GRIA4: variants seen among roughly 807,000 people sequenced by gnomAD.
GRIA4 encodes the protein glutamate receptor 4.
Under a neutral mutation model 104.0 loss-of-function variants are expected in GRIA4, and 34 were observed. The ratio of observed to expected loss-of-function variants is 0.33; its 90% CI spans 0.25 to 0.44. GRIA4 has a LOEUF of 0.44. Ranked by LOEUF, GRIA4 falls within the 20% of genes least tolerant of loss-of-function variation. The pLI, the probability that GRIA4 is intolerant of heterozygous loss-of-function variation, is 1.00. For missense variants in GRIA4, 750 were observed against 1,096.5 expected, an observed-to-expected ratio of 0.68 and a Z score of 4.46; for synonymous variants, 386 against 381.9, an observed-to-expected ratio of 1.01 and a Z score of -0.13.
At chr11:105,881,259 A>G (rs1490311367) in intron 5 of GRIA4, among the ~76,000 whole-genome samples, 1 of 152,180 alleles carries the variant, frequency 6.6e-6, no homozygotes, top group African/African-American at 2.4e-5. Context: ...GCTGCTGGGA[A>G]GGAGGACATT....
intron 3 of GRIA4, among the ~76,000 whole-genome samples, chr11:105,739,476 T>C (rs991386372): frequency 9.9e-5 from 15 of 152,174 alleles, no homozygotes; most frequent in African/African-American, 3.4e-4. Flanking sequence ...AAGTACTTAA[T>C]TGATATATAA....
intron 14 of GRIA4, among the ~76,000 whole-genome samples, chr11:105,954,923 T>C (rs1263303114): frequency 3.4e-5 from 5 of 148,982 alleles, no homozygotes; most frequent in Non-Finnish European, 7.4e-5. Context: ...TATATATATA[T>C]ATATATAATG....
intron 3 of GRIA4, among the ~76,000 whole-genome samples, chr11:105,718,773 A>G (rs924321496): frequency 3.3e-5 from 5 of 152,198 alleles, no homozygotes; most frequent in African/African-American, 4.8e-5. Context: ...GAATGCACGC[A>G]TGATTTTCCA....
At chr11:105,646,643 C>T (rs766912936) in intron 3 of GRIA4, among the ~76,000 whole-genome samples, 3 of 152,144 alleles carry the variant, frequency 2.0e-5, no homozygotes, top group Non-Finnish European at 4.4e-5. Context: ...GACTGCACAC[C>T]TACAATTATC....
intron 7 of GRIA4, among the ~76,000 whole-genome samples, chr11:105,901,386 T>C (rs1431256813): frequency 6.6e-6 from 1 of 152,192 alleles, no homozygotes; most frequent in Non-Finnish European, 1.5e-5. Context: ...TTCTGTCTTG[T>C]TATCTATAAA....
chr11:105,801,528 GCATAAGTGAGTTC>G (rs1329720884), intron 4 of GRIA4, among the ~76,000 whole-genome samples: 1 of 151,954 alleles, frequency 6.6e-6, no homozygotes, highest in Admixed American at 6.6e-5. Flanking sequence ...TAACTTCAGA[GCATAAGTGAGTTC>G]CATTAAAGTT....
At chr11:105,954,097 T>C (rs965198412) in intron 14 of GRIA4, among the ~76,000 whole-genome samples, 3 of 152,192 alleles carry the variant, frequency 2.0e-5, no homozygotes, top group Admixed American at 6.5e-5. Context: ...GGGGTATGTC[T>C]GCTAATTGAT....
At chr11:105,971,277 A>G (rs1486437004) in intron 14 of GRIA4, among the ~76,000 whole-genome samples, 1 of 152,208 alleles carries the variant, frequency 6.6e-6, no homozygotes, top group Non-Finnish European at 1.5e-5. Flanking sequence ...TGCAATTTAG[A>G]AGGAAAGTAT....
chr11:105,630,262 A>G (rs1278205915), intron 3 of GRIA4, among the ~76,000 whole-genome samples: 1 of 152,206 alleles, frequency 6.6e-6, no homozygotes, highest in African/African-American at 2.4e-5. Flanking sequence ...GGCTTATAAT[A>G]GCATTAAATT....
intron 3 of GRIA4, among the ~76,000 whole-genome samples, chr11:105,670,683 G>A (rs920233233): frequency 1.3e-5 from 2 of 152,038 alleles, no homozygotes; most frequent in African/African-American, 4.8e-5. Flanking sequence ...TAGTAACTAG[G>A]GTATCATGTC....
chr11:105,848,967 T>C (rs1944696516), intron 4 of GRIA4, among the ~76,000 whole-genome samples: 1 of 152,012 alleles, frequency 6.6e-6, no homozygotes, highest in African/African-American at 2.4e-5. Context: ...CCAAGGCAGG[T>C]GGATCACCTG....
intron 3 of GRIA4, among the ~76,000 whole-genome samples, chr11:105,672,302 GC>G (rs1004924399): frequency 1.9e-4 from 29 of 152,206 alleles, no homozygotes; most frequent in Middle Eastern, 3.4e-3. Flanking sequence ...TGGGCCAAGT[GC>G]TATGGGAAGA....
intron 4 of GRIA4, among the ~76,000 whole-genome samples, chr11:105,817,085 C>G (rs763449350): frequency 1.2e-4 from 18 of 151,972 alleles, no homozygotes; most frequent in Non-Finnish European, 2.5e-4. Context: ...TGAATCCCAG[C>G]CTCTTCACTT....
intron 6 of GRIA4, 32 bp downstream of exon 6, chr11:105,887,604 G>T (rs1265890757): frequency 2.1e-6 from 2 of 972,642 alleles, no homozygotes; most frequent in South Asian, 1.4e-5. Flanking sequence ...CTTTTCATAA[G>T]AATTGCTCAA....
rs186901411 is a variant in GRIA4, at chr11:105,812,789, G to A, written c.488-49235G>A. Among the ~76,000 whole-genome samples the A allele has an allele frequency of 7.1e-4, 108 of 152,160 alleles. 1 individual carries two copies. The highest frequency in any genetic ancestry group is 6.8e-3 in the Middle Eastern group (2 of 294). On this transcript the variant is annotated intron_variant, in intron 4 of 16. Transcript: ENST00000282499. ...TTGGAAGGGAAGATTATGAAAAAGG[G>A]CTTTGATTCTTACTTAAAAGAAAGA...
intron 3 of GRIA4, among the ~76,000 whole-genome samples, chr11:105,672,977 C>T (rs767342445): frequency 2.0e-5 from 3 of 151,850 alleles, no homozygotes; most frequent in Admixed American, 6.6e-5. Context: ...ATTGAACTTT[C>T]GGAATTGAAA....
At chr11:105,927,638 C>T (rs1947747043) in intron 13 of GRIA4, among the ~76,000 whole-genome samples, 1 of 151,948 alleles carries the variant, frequency 6.6e-6, no homozygotes, top group Non-Finnish European at 1.5e-5. Context: ...GACCTTCCAT[C>T]GGAACAATAG....
intron 3 of GRIA4, among the ~76,000 whole-genome samples, chr11:105,685,844 G>A (rs188209919): frequency 6.6e-6 from 1 of 151,990 alleles, no homozygotes; most frequent in Admixed American, 6.6e-5. Flanking sequence ...GTAGCCTGAT[G>A]GCAAAGATCC....
At chr11:105,910,323 G>A in intron 9 of GRIA4, 112 bp from the exon 10 acceptor site, 1 of 586,824 alleles carries the variant, frequency 1.7e-6, no homozygotes, top group Non-Finnish European at 3.1e-6. Flanking sequence ...CTTTTGTTTT[G>A]TTTGCTTACA....
Sources: allele counts gnomAD v4.1 joint callset (sites outside exome capture counted in the v4.1 genomes callset), GRCh38; gene constraint gnomAD v4.1.1; transcripts MANE v1.5; gene names NCBI Gene and HGNC (gene_info 2026-07-23, HGNC 2026-07-21).